NRG3: variants seen among roughly 807,000 people sequenced by gnomAD.
NRG3 encodes neuregulin 3.
NRG3 carries 31 observed loss-of-function variants against 66.9 expected under a neutral mutation model. The observed-to-expected ratio is 0.46, with a 90% CI of 0.35 to 0.63. NRG3 has a LOEUF of 0.63. Ranked by LOEUF, NRG3 falls within the 20% of genes least tolerant of loss-of-function variation. NRG3 has a pLI of 0.00. For synonymous variants in NRG3, 393 were observed against 359.4 expected (o/e 1.09, Z -1.06); for missense variants, 910 against 878.9 (o/e 1.04, Z -0.45).
At chr10:82,703,663 C>A (rs990943753) in intron 2 of NRG3, among the ~76,000 whole-genome samples, 11 of 152,258 alleles carry the variant, frequency 7.2e-5, no homozygotes, top group Non-Finnish European at 1.6e-4. Flanking sequence ...AACACACTTG[C>A]TACAATATAT....
At chr10:81,892,111 G>A (rs2132565265) in intron 1 of NRG3, among the ~76,000 whole-genome samples, 1 of 152,258 alleles carries the variant, frequency 6.6e-6, no homozygotes, top group Non-Finnish European at 1.5e-5. Context: ...AAAGTCAGAT[G>A]AACTTTGCTT....
intron 1 of NRG3, among the ~76,000 whole-genome samples, chr10:82,189,406 C>T (rs2074001220): frequency 6.6e-6 from 1 of 152,108 alleles, no homozygotes; most frequent in African/African-American, 2.4e-5. Flanking sequence ...CCTGTAATCC[C>T]AGCACTTTGG....
Position 82,647,633 on chromosome 10 carries a change from T to G in NRG3, c.954-90944T>G, listed in dbSNP as rs542189020. 4.6e-4 allele frequency among the ~76,000 whole-genome samples: 69 copies of G among 150,794 alleles called. 1 individual carries two copies. The highest frequency in any genetic ancestry group is 1.5e-3 in the African/African-American group (61 of 41,326). On this transcript the variant is annotated intron_variant, in intron 2 of 8. Coordinates refer to ENST00000372141, the MANE Select transcript of NRG3 (RefSeq NM_001010848.4). ...TACAGTCCCACCAACAGTGTAAAAG[T>G]GTTCCTATTTCTCCACATCCTCTCC...
intron 2 of NRG3, among the ~76,000 whole-genome samples, chr10:82,443,401 A>T (rs900648501): frequency 2.6e-5 from 4 of 152,264 alleles, no homozygotes; most frequent in Non-Finnish European, 4.4e-5. Context: ...AGCACTTCAT[A>T]GTCCTTTTGG....
At chr10:82,108,008 T>G (rs1190962654) in intron 1 of NRG3, among the ~76,000 whole-genome samples, 1 of 152,198 alleles carries the variant, frequency 6.6e-6, no homozygotes, top group Non-Finnish European at 1.5e-5. Context: ...GAGGTCTACT[T>G]TGGCAATTTG....
chr10:82,231,041 A>G (rs1289822409), intron 1 of NRG3, among the ~76,000 whole-genome samples: 1 of 152,298 alleles, frequency 6.6e-6, no homozygotes, highest in Non-Finnish European at 1.5e-5. Flanking sequence ...AAAGAAATGT[A>G]GGATTATAAA....
chr10:82,777,350 C>G (rs954979379), intron 3 of NRG3, among the ~76,000 whole-genome samples: 3 of 152,138 alleles, frequency 2.0e-5, no homozygotes, highest in Admixed American at 2.0e-4. Flanking sequence ...ATCCCTCTTG[C>G]TGTCTGGTTT....
At chr10:82,445,047 T>C (rs530434342) in intron 2 of NRG3, among the ~76,000 whole-genome samples, 19 of 152,292 alleles carry the variant, frequency 1.2e-4, no homozygotes, top group African/African-American at 4.6e-4. Flanking sequence ...CTAATTAATA[T>C]CCTCTGTCTA....
chr10:81,928,673 T>C (rs1164414308), intron 1 of NRG3, among the ~76,000 whole-genome samples: 1 of 152,180 alleles, frequency 6.6e-6, no homozygotes, highest in African/African-American at 2.4e-5. Context: ...ATAAATATCC[T>C]AAATGTCCAC....
At chr10:82,580,484 TCCA>T (rs2046295309) in intron 2 of NRG3, among the ~76,000 whole-genome samples, 2 of 151,978 alleles carry the variant, frequency 1.3e-5, no homozygotes, top group South Asian at 4.1e-4. Context: ...ATGTCATGTA[TCCA>T]CCATCAGAGT....
chr10:82,748,209 A>G lies in NRG3; in HGVS notation c.1027+9559A>G, dbSNP rs997480328. 3.9e-5 allele frequency among the ~76,000 whole-genome samples: 6 copies of G among 151,980 alleles called. No individual in the cohort carries two copies. In the South Asian group the frequency reaches 6.2e-4, roughly 16 times the overall value. On this transcript the variant is annotated intron_variant, in intron 3 of 8. Transcript: ENST00000372141. ...TTTAAAAATATATAATTGGTTAAAT[A>G]TGATTCAACCATATATTGATTTGAA...
intron 1 of NRG3, among the ~76,000 whole-genome samples, chr10:82,227,919 CTTAAT>C (rs1409480530): frequency 6.6e-6 from 1 of 152,152 alleles, no homozygotes; most frequent in Middle Eastern, 3.2e-3. Flanking sequence ...GGACTTACCA[CTTAAT>C]TTAAGTTTCC....
intron 2 of NRG3, among the ~76,000 whole-genome samples, chr10:82,572,625 G>A (rs2045807608): frequency 6.6e-6 from 1 of 151,306 alleles, no homozygotes; most frequent in Middle Eastern, 3.4e-3. Context: ...CATTTGTTTA[G>A]GTTTCTTCTT....
chr10:82,084,502 A>ACTTTTTTTTTTTT (rs11458166), intron 1 of NRG3, among the ~76,000 whole-genome samples: 2 of 145,340 alleles, frequency 1.4e-5, no homozygotes, highest in African/African-American at 2.5e-5. Flanking sequence ...CATATATGAG[A>ACTTTTTTTTTTTT]TTTTTTTTTT....
chr10:82,047,186 A>C (rs2063339409), intron 1 of NRG3, among the ~76,000 whole-genome samples: 2 of 151,644 alleles, frequency 1.3e-5, no homozygotes, highest in South Asian at 4.2e-4. Context: ...TCGGCTGTGA[A>C]TCCATCTGGT....
chr10:81,979,685 C>T (rs1471064507), intron 1 of NRG3, among the ~76,000 whole-genome samples: 2 of 152,180 alleles, frequency 1.3e-5, no homozygotes, highest in Non-Finnish European at 2.9e-5. Context: ...CCCAGGGAGT[C>T]ATATACATAC....
At chr10:82,543,679 A>G (rs991195481) in intron 2 of NRG3, among the ~76,000 whole-genome samples, 3 of 152,230 alleles carry the variant, frequency 2.0e-5, no homozygotes, top group African/African-American at 7.2e-5. Flanking sequence ...CATTTATAAT[A>G]GTTCCAAGAG....
At chr10:82,965,515 C>A (rs1851125314) in intron 6 of NRG3, among the ~76,000 whole-genome samples, 1 of 152,102 alleles carries the variant, frequency 6.6e-6, no homozygotes, top group Non-Finnish European at 1.5e-5. Context: ...GCAGATGGAC[C>A]ACTTGAAGTC....
Position 82,979,086 on chromosome 10 carries a change from A to G in NRG3, c.1549A>G (p.Arg517Gly), listed in dbSNP as rs1428466924. The G allele has an allele frequency of 1.2e-6, 2 of 1,614,122 alleles. No individual in the cohort carries two copies. The highest frequency in any genetic ancestry group is 1.7e-6 in the Non-Finnish European group (2 of 1,179,992). ...AGCATATCAGCAACTCGAAGAATCAAGGATCCCAGACCAGGATACGATACC... is the reference window on the plus strand; with the variant it reads ...AGCATATCAGCAACTCGAAGAATCAGGGATCCCAGACCAGGATACGATACC... ...GPAYQQLEES[R>G]IPDQDTIPCQ... The change falls in exon 8 of 9, where the codon AGG (arginine) becomes GGG (glycine). Residue 517 changes from arginine to glycine, a missense_variant. By Grantham distance (125) the Arg-to-Gly change is moderately radical. Transcript: ENST00000372141.
Sources: allele counts gnomAD v4.1 joint callset (sites outside exome capture counted in the v4.1 genomes callset), GRCh38; gene constraint gnomAD v4.1.1; transcripts MANE v1.5; gene names NCBI Gene and HGNC (gene_info 2026-07-23, HGNC 2026-07-21).